RAPGEF3: variants seen among roughly 807,000 people sequenced by gnomAD.
RAPGEF3 encodes the protein 9330170P05Rik.
RAPGEF3 carries 103 observed loss-of-function variants against 129.8 expected under a neutral mutation model. The ratio of observed to expected loss-of-function variants is 0.79; its 90% CI spans 0.68 to 0.93. The LOEUF is 0.93. Among genes scored for constraint, RAPGEF3 ranks in the 40% least tolerant of loss-of-function variants. The pLI is 0.00. For synonymous variants in RAPGEF3, 436 were observed against 482.6 expected (o/e 0.90, Z 1.26); for missense variants, 1,117 against 1,207.4 (o/e 0.93, Z 1.11).
chr12:47,738,294 T>C (rs371977267), intron 25 of RAPGEF3, 47 bp from the exon 26 acceptor site: 1 of 1,605,384 alleles, frequency 6.2e-7, no homozygotes, highest in African/African-American at 1.3e-5. Flanking sequence ...GGAGAAACCC[T>C]GTCCTGCCCT....
At chr12:47,744,582 C>G (rs886482776) in intron 16 of RAPGEF3, 9 of 164,408 alleles carry the variant, frequency 5.5e-5, no homozygotes, top group African/African-American at 1.9e-4. Flanking sequence ...CTCCTTTCCC[C>G]CTCTGTGCTC....
rs750692098 is a variant in RAPGEF3 at position 47,751,158 on chromosome 12, G to A, written c.561C>T (p.Pro187=). The A allele has an allele frequency of 1.9e-5, 29 of 1,556,868 alleles. 1 individual carries two copies. The South Asian group carries it at 1.9e-4, about 10-fold the overall frequency. ...RDAQFYRFPG[P]EPEPVRTHEM... ...CATGAGTTCTCACGGGCTCGGGCTC[G>A]GGCCCGGGGAACCGGTAGAATTGGG... Residue 187 remains proline (P), a synonymous_variant, in exon 6 of 28, where the codon CCC becomes CCT. Coordinates refer to ENST00000449771, the MANE Select transcript of RAPGEF3 (RefSeq NM_001098531.4).
rs1235708028 is a variant in RAPGEF3, at chr12:47,741,050, G to C, written c.1924-10C>G. On this transcript the variant is annotated splice_polypyrimidine_tract_variant and intron_variant, in intron 19 of 27. Coordinates refer to ENST00000449771, the MANE Select transcript of RAPGEF3 (RefSeq NM_001098531.4). Reference sequence around the variant, plus strand: ...GGTCAGGGTGTGGGATCTGCGGGTGGGAGAGTGCTCAGGGGGCTGCCTGAG... The same window carrying C: ...GGTCAGGGTGTGGGATCTGCGGGTGCGAGAGTGCTCAGGGGGCTGCCTGAG... 4 of 1,611,734 alleles carry C rather than the reference G, an allele frequency of 2.5e-6. No individual in the cohort carries two copies. The highest frequency in any genetic ancestry group is 3.4e-6 in the Non-Finnish European group (4 of 1,179,244).
intron 16 of RAPGEF3, chr12:47,746,079 G>C (rs1195119958): frequency 6.5e-6 from 1 of 153,140 alleles, no homozygotes; most frequent in Non-Finnish European, 1.5e-5. Flanking sequence ...GGAGACGGGA[G>C]GGGGCCTGTC....
At chr12:47,739,487 C>T (rs1941008778) in intron 23 of RAPGEF3, 1 of 678,044 alleles carries the variant, frequency 1.5e-6, no homozygotes, top group Non-Finnish European at 2.7e-6. Flanking sequence ...ACTGTCACCT[C>T]TCTGTCCCTT....
intron 2 of RAPGEF3, among the ~76,000 whole-genome samples, chr12:47,757,072 T>C (rs1386785409): frequency 6.6e-6 from 1 of 152,118 alleles, no homozygotes; most frequent in African/African-American, 2.4e-5. Flanking sequence ...GGCAGGTGGA[T>C]TGCTTGGGCC....
intron 2 of RAPGEF3, chr12:47,755,709 C>T (rs1417970162): frequency 6.6e-6 from 1 of 152,274 alleles, no homozygotes; most frequent in African/African-American, 2.4e-5. Flanking sequence ...TAGGTAGGAA[C>T]AGAAAGAGCT....
At chr12:47,752,054 C>G (rs1490331453) in intron 2 of RAPGEF3, 85 bp from the exon 3 acceptor site, 1 of 1,462,976 alleles carries the variant, frequency 6.8e-7, no homozygotes, top group Non-Finnish European at 9.5e-7. Flanking sequence ...ATCACTCCCA[C>G]TCTTGCCTAG....
rs1941126848 is a variant in RAPGEF3, at chr12:47,740,987, G to A, written c.1977C>T (p.Asp659=). The change falls in exon 20 of 28, where the codon GAC becomes GAT. Residue 659 remains aspartate (D), a synonymous_variant. Transcript: ENST00000449771. ...GPTVGSAEGL[D]LVSAKDLAGQ... is the part of the protein sequence containing the mutation. ...CTGCCAGGTCCTTGGCACTCACCAGGTCCAGCCCCTCAGCAGAGCCCACAG... is the reference window on the plus strand; with the variant it reads ...CTGCCAGGTCCTTGGCACTCACCAGATCCAGCCCCTCAGCAGAGCCCACAG... 1 of 1,613,484 alleles carries A rather than the reference G, an allele frequency of 6.2e-7. No homozygotes were observed. Among genetic ancestry groups the A allele is most frequent in the South Asian group, 1.1e-5 (1 of 90,922 alleles).
intron 25 of RAPGEF3, 79 bp from the exon 26 acceptor site, chr12:47,738,326 G>C: frequency 1.9e-6 from 3 of 1,556,652 alleles, no homozygotes; most frequent in Non-Finnish European, 1.8e-6. Flanking sequence ...GGGAGGCCAA[G>C]CTCCCTCTGA....
At chr12:47,751,887 T>C (rs1213993671) in intron 3 of RAPGEF3, 29 bp downstream of exon 3, 1 of 1,613,966 alleles carries the variant, frequency 6.2e-7, no homozygotes, top group South Asian at 1.1e-5. Flanking sequence ...GTGCTGCCTG[T>C]CCCAGCTCCA....
chr12:47,748,180 G>A, intron 12 of RAPGEF3, 28 bp from the exon 13 acceptor site: 1 of 1,498,158 alleles, frequency 6.7e-7, no homozygotes, highest in Non-Finnish European at 9.1e-7. Flanking sequence ...GGGATGGGAG[G>A]AGGCTTCAGA....
chr12:47,737,909 A>G (rs571193801), intron 27 of RAPGEF3, 113 bp downstream of exon 27: 134 of 1,353,476 alleles, frequency 9.9e-5, no homozygotes, highest in Non-Finnish European at 1.4e-4. Context: ...AACATCATGT[A>G]TGGAAGGGCC....
chr12:47,740,130 G>A lies in RAPGEF3; in HGVS notation c.2373+11C>T. On this transcript the variant is annotated intron_variant, in intron 23 of 27. Transcript: ENST00000449771. The stretch of plus-strand genomic sequence containing the variant: ...CTAGCAGAGCCAGGCCGGGCAGGGT[G>A]GAGCACTCACCAGCAGCCTCTCGAG... 1.2e-6 allele frequency: 2 copies of A among 1,611,476 alleles called. No homozygotes were observed. Among genetic ancestry groups the A allele is most frequent in the Non-Finnish European group, 1.7e-6 (2 of 1,179,080 alleles).
intron 17 of RAPGEF3, 64 bp from the exon 18 acceptor site, chr12:47,743,740 G>A (rs981365564): frequency 3.2e-6 from 5 of 1,566,882 alleles, no homozygotes; most frequent in Non-Finnish European, 3.5e-6. Flanking sequence ...GGAGGGAGAG[G>A]GCGGCTATTG....
At position 47,741,011 on chromosome 12, in the gene RAPGEF3, A is replaced by T; in HGVS notation, c.1953T>A (p.Thr651=). The T allele has an allele frequency of 6.2e-7, 1 of 1,612,820 alleles. No individual in the cohort carries two copies. Among genetic ancestry groups the T allele is most frequent in the Non-Finnish European group, 8.5e-7 (1 of 1,179,586 alleles). The part of the protein sequence containing the change: ...LIPHPDQLGP[T]VGSAEGLDLV... ...GGTCCAGCCCCTCAGCAGAGCCCAC[A>T]GTGGGCCCCAGCTGGTCAGGGTGTG... The change falls in exon 20 of 28, where the codon ACT becomes ACA. Residue 651 remains threonine, a synonymous_variant. Transcript: ENST00000449771.
Position 47,749,534 on chromosome 12 carries a change from C to A in RAPGEF3, c.897G>T (p.Gly299=). 1.2e-6 allele frequency: 2 copies of A among 1,608,798 alleles called. No individual in the cohort carries two copies. The highest frequency in any genetic ancestry group is 1.7e-6 in the Non-Finnish European group (2 of 1,179,896). ...GSVNVVTHGK[G]LVTTLHEGDD... is the part of the protein sequence containing the mutation. Reference sequence around the variant, plus strand: ...CTCCCTCATGCAGGGTGGTCACCAGCCCCTGCAGCCAGGCCTCAGTCTCAG... The same window carrying A: ...CTCCCTCATGCAGGGTGGTCACCAGACCCTGCAGCCAGGCCTCAGTCTCAG... The change falls in exon 10 of 28, where the codon GGG becomes GGT. Residue 299 remains glycine (G), a splice_region_variant and synonymous_variant. Transcript: ENST00000449771. The surrounding 1 kb of genome is among the most constrained non-coding windows in gnomAD (Gnocchi z 4.5).
At position 47,757,939 on chromosome 12, in the gene RAPGEF3, T is replaced by C; in HGVS notation, c.146A>G (p.His49Arg). The part of the protein sequence containing the change: ...TLLNMVLRRM[H>R]RPRSCSYQLL... ...CTGGTAGGAGCAGCTTCGGGGCCGG[T>C]GCATCCTTCTCAACACCATGTTGAG... The change falls in exon 2 of 28, where the codon CAC (histidine) becomes CGC (arginine). Residue 49 changes from histidine to arginine, a missense_variant. His to Arg is a conservative substitution (Grantham distance 29, BLOSUM62 0). Coordinates refer to ENST00000449771, the MANE Select transcript of RAPGEF3 (RefSeq NM_001098531.4). 6.4e-7 allele frequency: 1 copy of C among 1,557,590 alleles called. No homozygotes were observed. Among genetic ancestry groups the C allele is most frequent in the Non-Finnish European group, 8.7e-7 (1 of 1,150,446 alleles).
Position 47,751,172 on chromosome 12 carries a change from G to A in RAPGEF3, c.547C>T (p.Arg183Trp), listed in dbSNP as rs866703192. ...GGCTCGGGCTCGGGCCCGGGGAACCGGTAGAATTGGGCATCTCGGTCCTGG... is the reference window on the plus strand; with the variant it reads ...GGCTCGGGCTCGGGCCCGGGGAACCAGTAGAATTGGGCATCTCGGTCCTGG... ...AFQDRDAQFY[R>W]FPGPEPEPVR... Residue 183 changes from arginine to tryptophan, a missense_variant, in exon 6 of 28, where the codon CGG (arginine) becomes TGG (tryptophan). This residue lies in a region of RAPGEF3 where 367 missense variants were observed against 373.4 expected (regional missense o/e 0.98). Coordinates refer to ENST00000449771, the MANE Select transcript of RAPGEF3 (RefSeq NM_001098531.4). 1.7e-5 allele frequency: 26 copies of A among 1,554,264 alleles called. No homozygotes were observed. Among genetic ancestry groups the A allele is most frequent in the Middle Eastern group, 3.3e-4 (2 of 6,014 alleles).
Sources: gnomAD v4.1 joint callset for allele counts (sites outside exome capture counted in the v4.1 genomes callset) on GRCh38, gnomAD v4.1.1 for gene constraint, gnomAD v4.1.1 regional missense constraint, Gnocchi (gnomAD v3.1) non-coding constraint, MANE v1.5 for transcripts, NCBI Gene and HGNC (gene_info 2026-07-23, HGNC 2026-07-21) for gene names.